The following VTA1 variants were observed in gnomAD, a reference collection of about 807,000 sequenced individuals.
VTA1 encodes vacuolar protein sorting-associated protein VTA1 homolog.
Under a neutral mutation model 36.9 loss-of-function variants are expected in VTA1, and 24 were observed. That is an observed-to-expected ratio of 0.65 (90% confidence interval 0.47 to 0.91). The LOEUF is 0.91. Among genes scored for constraint, VTA1 ranks in the 40% least tolerant of loss-of-function variants. VTA1 has a pLI of 0.00. For missense variants in VTA1, 393 were observed against 377.2 expected, an observed-to-expected ratio of 1.04 and a Z score of -0.35; for synonymous variants, 142 against 130.2, an observed-to-expected ratio of 1.09 and a Z score of -0.62.
chr6:142,216,651 A>T (rs1271752912), intron 7 of VTA1, among the ~76,000 whole-genome samples: 1 of 152,196 alleles, frequency 6.6e-6, no homozygotes. Context: ...TCACAAAAAA[A>T]TACAGTATTT....
In VTA1 at chr6:142,221,118, T is replaced by A. The variant is rs1413038243; in HGVS notation, c.*2475T>A. 1.3e-5 allele frequency: 2 copies of A among 152,172 alleles called. No homozygotes were observed. Among genetic ancestry groups the A allele is most frequent in the Non-Finnish European group, 2.9e-5 (2 of 68,026 alleles). The allele number at this position is 152,172 out of a possible 1,614,324, so 9.4% of individuals were successfully genotyped here. A position where few individuals can be genotyped will look rare whatever the true frequency, so the allele number is the denominator to read the frequency against. ...ACCCAAATCAGAAATATTGCAAGTCTGAGAAAAGAGATTCTCCTCAAACCG... is the reference window on the plus strand; with the variant it reads ...ACCCAAATCAGAAATATTGCAAGTCAGAGAAAAGAGATTCTCCTCAAACCG... On this transcript the variant is annotated 3_prime_UTR_variant, in exon 8 of 8. Coordinates refer to ENST00000367630, the MANE Select transcript of VTA1 (RefSeq NM_016485.5).
At chr6:142,185,071 T>G (rs1775313507) in intron 4 of VTA1, among the ~76,000 whole-genome samples, 1 of 152,164 alleles carries the variant, frequency 6.6e-6, no homozygotes. Flanking sequence ...AATCTTGTTA[T>G]TGCTTCCATT....
chr6:142,166,181 G>T, intron 1 of VTA1, 47 bp from the exon 2 acceptor site: 1 of 1,304,042 alleles, frequency 7.7e-7, no homozygotes, highest in South Asian at 1.3e-5. Flanking sequence ...CATAAACATG[G>T]ATGTTTAAAA....
At chr6:142,159,905 A>G (rs1036796536) in intron 1 of VTA1, among the ~76,000 whole-genome samples, 2 of 152,136 alleles carry the variant, frequency 1.3e-5, no homozygotes, top group South Asian at 2.1e-4. Flanking sequence ...AATGCTTTCT[A>G]TAGTTCTCTA....
At chr6:142,210,705 C>A (rs1323799641) in intron 7 of VTA1, among the ~76,000 whole-genome samples, 1 of 152,120 alleles carries the variant, frequency 6.6e-6, no homozygotes, top group Admixed American at 6.5e-5. Flanking sequence ...TATCATTTTA[C>A]CCTAGTTAAA....
chr6:142,200,410 G>T (rs1775657901), intron 6 of VTA1, among the ~76,000 whole-genome samples: 1 of 151,902 alleles, frequency 6.6e-6, no homozygotes, highest in Non-Finnish European at 1.5e-5. Flanking sequence ...ACAACTGGGG[G>T]TAGGATATTA....
At chr6:142,172,675 T>C (rs376617381) in intron 4 of VTA1, among the ~76,000 whole-genome samples, 13 of 152,204 alleles carry the variant, frequency 8.5e-5, no homozygotes, top group East Asian at 5.8e-4. Context: ...TCTTCTCTGT[T>C]TTACTAGTGT....
At chr6:142,155,418 T>A (rs766111969) in intron 1 of VTA1, among the ~76,000 whole-genome samples, 7 of 152,194 alleles carry the variant, frequency 4.6e-5, no homozygotes, top group Non-Finnish European at 7.4e-5. Flanking sequence ...TATATATCAT[T>A]ATGGAAATGG....
intron 7 of VTA1, among the ~76,000 whole-genome samples, chr6:142,212,485 A>G (rs225702): frequency 0.38 from 57,885 of 151,992 alleles, 13,197 homozygotes; most frequent in Middle Eastern, 0.54. Context: ...AGGGGGTAGA[A>G]GATCAGCAGT....
At chr6:142,194,436 G>A (rs1247437557) in intron 5 of VTA1, among the ~76,000 whole-genome samples, 1 of 151,960 alleles carries the variant, frequency 6.6e-6, no homozygotes, top group Non-Finnish European at 1.5e-5. Context: ...ATTTCTTTCA[G>A]CGGTATTTTA....
At chr6:142,159,527 T>G (rs999691376) in intron 1 of VTA1, among the ~76,000 whole-genome samples, 1 of 138,436 alleles carries the variant, frequency 7.2e-6, no homozygotes, top group Non-Finnish European at 1.5e-5. Context: ...TTATTATTAT[T>G]ATTTTGAGAC....
chr6:142,189,192 T>C (rs1223807278), intron 4 of VTA1, among the ~76,000 whole-genome samples: 1 of 152,208 alleles, frequency 6.6e-6, no homozygotes, highest in Non-Finnish European at 1.5e-5. Flanking sequence ...TGAAATGTTA[T>C]ATGATAAAAG....
chr6:142,172,050 C>T (rs549796047), intron 4 of VTA1, among the ~76,000 whole-genome samples: 1 of 152,258 alleles, frequency 6.6e-6, no homozygotes, highest in East Asian at 1.9e-4. Flanking sequence ...CTCGCTCTGT[C>T]ACCAGGCTGG....
chr6:142,188,297 G>C (rs1428074412), intron 4 of VTA1, among the ~76,000 whole-genome samples: 4 of 133,058 alleles, frequency 3.0e-5, no homozygotes, highest in African/African-American at 1.2e-4. Context: ...GTGCAGTGGC[G>C]TCTGCCTCCT....
chr6:142,198,672 A>T (rs1025913508), intron 6 of VTA1, 57 bp downstream of exon 6: 2 of 1,483,126 alleles, frequency 1.3e-6, no homozygotes, highest in Non-Finnish European at 1.8e-6. Context: ...GAAGAACTGC[A>T]TTTCTTATCA....
intron 1 of VTA1, among the ~76,000 whole-genome samples, chr6:142,154,161 G>C (rs539473057): frequency 6.6e-6 from 1 of 151,720 alleles, no homozygotes; most frequent in Admixed American, 6.6e-5. Flanking sequence ...TCTCCTTTTC[G>C]CTACCTCACC....
At chr6:142,216,515 C>T (rs1776007032) in intron 7 of VTA1, among the ~76,000 whole-genome samples, 1 of 151,888 alleles carries the variant, frequency 6.6e-6, no homozygotes, top group Non-Finnish European at 1.5e-5. Flanking sequence ...TTGGTTGTTA[C>T]TTAGTTCTTG....
At chr6:142,149,967 CTT>C (rs1313083994) in intron 1 of VTA1, among the ~76,000 whole-genome samples, 3 of 151,826 alleles carry the variant, frequency 2.0e-5, no homozygotes, top group Admixed American at 2.0e-4. Flanking sequence ...TTTTTTATCT[CTT>C]TGTCTTTCTG....
chr6:142,185,857 A>T (rs1469261497), intron 4 of VTA1, among the ~76,000 whole-genome samples: 2 of 152,210 alleles, frequency 1.3e-5, no homozygotes, highest in Non-Finnish European at 2.9e-5. Context: ...TTAAGCTTTC[A>T]TACATTGGAG....
Sources: gnomAD v4.1 joint callset for allele counts (sites outside exome capture counted in the v4.1 genomes callset) on GRCh38, gnomAD v4.1.1 for gene constraint, MANE v1.5 for transcripts, NCBI Gene and HGNC (gene_info 2026-07-23, HGNC 2026-07-21) for gene names.